The following PKN3 variants were observed in gnomAD, a reference collection of about 807,000 sequenced individuals.
The protein encoded by PKN3 is protein kinase N3, also known as serine/threonine-protein kinase N3.
PKN3 carries 91 observed loss-of-function variants against 113.1 expected under a neutral mutation model. The observed-to-expected ratio is 0.80, with a 90% CI of 0.68 to 0.96. PKN3 has a LOEUF of 0.96. PKN3 is among the 40% of genes least tolerant of loss of function. The pLI, the probability that PKN3 is intolerant of heterozygous loss-of-function variation, is 0.00. For missense variants in PKN3, 1,052 were observed against 1,202.2 expected, an observed-to-expected ratio of 0.88 and a Z score of 1.85; for synonymous variants, 467 against 499.0, an observed-to-expected ratio of 0.94 and a Z score of 0.85.
rs546056105 is a variant in PKN3 at position 128,720,775 on chromosome 9, G to T, written c.*169G>T. Reference sequence around the variant, plus strand: ...GTTGTGGGCTTTGCTCAGTGTCACTGGGCAAAGTGTGTCCCTTCCCCCTCC... The same window carrying T: ...GTTGTGGGCTTTGCTCAGTGTCACTTGGCAAAGTGTGTCCCTTCCCCCTCC... On this transcript the variant is annotated 3_prime_UTR_variant, in exon 22 of 22. Transcript: ENST00000291906. The surrounding 1 kb of genome is among the most constrained non-coding windows in gnomAD (Gnocchi z 5.5). 3 of 636,278 alleles carry T rather than the reference G, an allele frequency of 4.7e-6. No individual in the cohort carries two copies. The highest frequency in any genetic ancestry group is 1.9e-5 in the South Asian group (1 of 51,566). The allele number at this position is 636,278 out of a possible 1,614,324, so 39.4% of individuals were successfully genotyped here. A position where few individuals can be genotyped will look rare whatever the true frequency, so the allele number is the denominator to read the frequency against.
At position 128,705,812 on chromosome 9, in the gene PKN3, A is replaced by G; in HGVS notation, c.344A>G (p.His115Arg). 1 of 1,609,286 alleles carries G rather than the reference A, an allele frequency of 6.2e-7. No homozygotes were observed. Among genetic ancestry groups the G allele is most frequent in the Admixed American group, 1.7e-5 (1 of 59,362 alleles). Residue 115 changes from histidine (H) to arginine (R), a missense_variant, in exon 3 of 22, where the codon CAT (histidine) becomes CGT (arginine). Transcript: ENST00000291906. The part of the protein sequence containing the change: ...RHLEALRRQL[H>R]VELKVKQGAE... ...CTAGAGGCTCTCCGGAGGCAGCTGC[A>G]TGTGGAGCTGAAGGTGAAGCAGGGG...
rs776506971 is a variant in PKN3, at chr9:128,707,343, G to C, written c.773G>C (p.Arg258Pro). The C allele has an allele frequency of 3.7e-6, 6 of 1,613,656 alleles. No individual in the cohort carries two copies. Among genetic ancestry groups the C allele is most frequent in the Non-Finnish European group, 5.1e-6 (6 of 1,179,888 alleles). Residue 258 changes from arginine (R) to proline (P), a missense_variant, in exon 6 of 22, where the codon CGG becomes CCG. This residue lies in a region of PKN3 where 719 missense variants were observed against 759.4 expected (regional missense o/e 0.95). Transcript: ENST00000291906. Reference protein sequence around the residue: ...PLRSRVTRELRAAVPGYPQPS... With the variant: ...PLRSRVTRELPAAVPGYPQPS... Reference sequence around the variant, plus strand: ...CGCAGCAGAGTGACCCGAGAGTTGCGGGCTGCGGTGCCTGGATACCCCCAG... The same window carrying C: ...CGCAGCAGAGTGACCCGAGAGTTGCCGGCTGCGGTGCCTGGATACCCCCAG...
In PKN3 at chr9:128,714,619, C is replaced by T. The variant is rs139929355; in HGVS notation, c.1539C>T (p.Pro513=). ...AAGAGATGACACCCCCACCCAAGCC[C>T]CCACGCCTCTACCTCCCCCAGGAGC... ...LGEEMTPPPK[P]PRLYLPQEPT... is the part of the protein sequence containing the mutation. The change falls in exon 12 of 22, where the codon CCC becomes CCT. Residue 513 remains proline, a synonymous_variant. Transcript: ENST00000291906. 4.3e-4 allele frequency: 630 copies of T among 1,451,020 alleles called. 1 individual carries two copies. Among genetic ancestry groups the T allele is most frequent in the Non-Finnish European group, 5.6e-4 (573 of 1,031,392 alleles). 89.9% of individuals were successfully genotyped at this position (1,451,020 alleles called of 1,614,324 possible).
intron 1 of PKN3, chr9:128,703,736 G>A: frequency 3.0e-6 from 3 of 985,370 alleles, no homozygotes; most frequent in Non-Finnish European, 3.6e-6. Context: ...CGGGGTGCGT[G>A]TAGACTCCTT....
intron 3 of PKN3, 64 bp downstream of exon 3, chr9:128,705,943 C>T: frequency 2.7e-6 from 4 of 1,457,614 alleles, no homozygotes; most frequent in Non-Finnish European, 3.7e-6. Flanking sequence ...AAATGCACCT[C>T]AGCCATTGGG....
rs1269313661 is a variant in PKN3 at position 128,720,222 on chromosome 9, A to G, written c.2396A>G (p.Glu799Gly). The change falls in exon 21 of 22, where the codon GAG (glutamate) becomes GGG (glycine). Residue 799 changes from glutamate to glycine, a missense_variant. Glu to Gly is a moderately conservative substitution (Grantham distance 98). Around this residue, in one of 2 missense-constraint regions of PKN3, gnomAD observed 333 missense variants for 442.8 expected, o/e 0.75. Coordinates refer to ENST00000291906, the MANE Select transcript of PKN3 (RefSeq NM_013355.5). The surrounding 1 kb of genome is among the most constrained non-coding windows in gnomAD (Gnocchi z 5.5). ...FIQKLLQKCP[E>G]KRLGAGEQDA... The stretch of plus-strand genomic sequence containing the variant: ...GCCCAGCTCCTCCAGAAGTGCCCGG[A>G]GAAGCGCCTCGGGGCAGGTGAGCAG... 2.5e-6 allele frequency: 4 copies of G among 1,613,772 alleles called. No individual in the cohort carries two copies. Among genetic ancestry groups the G allele is most frequent in the Admixed American group, 3.3e-5 (2 of 60,012 alleles).
chr9:128,705,735 G>T lies in PKN3; in HGVS notation c.267G>T (p.Glu89Asp), dbSNP rs1268664391. 6.9e-6 allele frequency: 11 copies of T among 1,603,436 alleles called. No homozygotes were observed. In the East Asian group the frequency reaches 2.5e-4, roughly 36 times the overall value. ...TGTGCTCGATACCCCCGTGCACAGA[G>T]CCTGTGGCCTCAGGACCCCGGCCGT... ...LLPGPGPGPAEPVASGPRPWA... is the reference protein window; with the variant it reads ...LLPGPGPGPADPVASGPRPWA... The change falls in exon 3 of 22, where the codon GAG becomes GAT. Residue 89 changes from glutamate to aspartate, a missense_variant and splice_region_variant. By Grantham distance (45) the Glu-to-Asp change is conservative. Coordinates refer to ENST00000291906, the MANE Select transcript of PKN3 (RefSeq NM_013355.5).
Position 128,702,954 on chromosome 9 carries a change from AG to A in PKN3, c.24+19del. 1 of 1,427,494 alleles carries A rather than the reference AG, an allele frequency of 7.0e-7. No homozygotes were observed. 88.4% of individuals were successfully genotyped at this position (1,427,494 alleles called of 1,614,324 possible). A position where few individuals can be genotyped will look rare whatever the true frequency, so the allele number is the denominator to read the frequency against. The stretch of plus-strand genomic sequence containing the variant: ...CGCCGCGGCAGGTGAACGGCGTGGG[AG>A]GGGCGCGCGGGCCCGGGGGGTGCGA... On this transcript the variant is annotated intron_variant, in intron 1 of 21. Coordinates refer to ENST00000291906, the MANE Select transcript of PKN3 (RefSeq NM_013355.5).
At position 128,703,073 on chromosome 9, in the gene PKN3, C is replaced by G. The variant is rs1311656511; in HGVS notation, c.24+134C>G. 5 of 639,364 alleles carry G rather than the reference C, an allele frequency of 7.8e-6. No individual in the cohort carries two copies. In the East Asian group the frequency reaches 1.0e-4, roughly 13 times the overall value. 39.6% of individuals were successfully genotyped at this position (639,364 alleles called of 1,614,324 possible). ...GCCCCTTCCCTGCCCCTGCCCTGGC[C>G]CCGGCCCCGCGACGCCCTCGCAGAG... is the stretch of plus-strand genomic sequence containing the variant. On this transcript the variant is annotated intron_variant, in intron 1 of 21. Coordinates refer to ENST00000291906, the MANE Select transcript of PKN3 (RefSeq NM_013355.5).
chr9:128,702,900 C>A lies in PKN3; in HGVS notation c.-16C>A, dbSNP rs1244965942. ...GAGTGGCTGAGAGAAGGGCCCCAAG[C>A]GGCCGGAGCGGCGCCATGGAGGAGG... is the stretch of plus-strand genomic sequence containing the variant. On this transcript the variant is annotated 5_prime_UTR_variant, in exon 1 of 22. Coordinates refer to ENST00000291906, the MANE Select transcript of PKN3 (RefSeq NM_013355.5). 1 of 1,483,220 alleles carries A rather than the reference C, an allele frequency of 6.7e-7. No homozygotes were observed. Among genetic ancestry groups the A allele is most frequent in the Non-Finnish European group, 8.9e-7 (1 of 1,118,308 alleles). The allele number at this position is 1,483,220 out of a possible 1,614,324, so 91.9% of individuals were successfully genotyped here. A position where few individuals can be genotyped will look rare whatever the true frequency, so the allele number is the denominator to read the frequency against.
chr9:128,720,445 C>T lies in PKN3; in HGVS notation c.2509C>T (p.Pro837Ser). ...CCGCACCATCCAGCCCCCCTTCGTG[C>T]CTACCCTGTGTGGCCCTGCGGACCT... ...LARTIQPPFV[P>S]TLCGPADLRY... The change falls in exon 22 of 22, where the codon CCT (proline) becomes TCT (serine). Residue 837 changes from proline to serine, a missense_variant. Around this residue, in one of 2 missense-constraint regions of PKN3, gnomAD observed 333 missense variants for 442.8 expected, o/e 0.75. Coordinates refer to ENST00000291906, the MANE Select transcript of PKN3 (RefSeq NM_013355.5). This position sits in a 1 kb window ranked among gnomAD's most constrained non-coding sequence, Gnocchi z 5.5. 6.2e-7 allele frequency: 1 copy of T among 1,613,278 alleles called. No individual in the cohort carries two copies. The highest frequency in any genetic ancestry group is 8.5e-7 in the Non-Finnish European group (1 of 1,180,000).
chr9:128,717,117 C>CTTTGTTTTTTTTTT (rs1758875729), intron 16 of PKN3, among the ~76,000 whole-genome samples, 194 bp downstream of exon 16: 1 of 24,364 alleles, frequency 4.1e-5, no homozygotes, highest in African/African-American at 1.2e-4. Context: ...CATTAGGTTT[C>CTTTGTTTTTTTTTT]TTTTTTTTTT....
intron 6 of PKN3, among the ~76,000 whole-genome samples, chr9:128,710,670 T>C (rs1862149664): frequency 6.6e-6 from 1 of 152,036 alleles, no homozygotes; most frequent in African/African-American, 2.4e-5. Flanking sequence ...TTTTGTATTA[T>C]TAGTAGAGAC....
Position 128,713,522 on chromosome 9 carries a change from A to G in PKN3, c.1116A>G (p.Val372=). 1 of 1,614,032 alleles carries G rather than the reference A, an allele frequency of 6.2e-7. No individual in the cohort carries two copies. The highest frequency in any genetic ancestry group is 8.5e-7 in the Non-Finnish European group (1 of 1,179,990). ...LERARELEIG[V]HWRDWRQLCG... ...AGGCCCGTGAGCTGGAGATTGGGGT[A>G]CACTGGCGGGACTGGCGGCAGCTAT... The change falls in exon 9 of 22, where the codon GTA becomes GTG. Residue 372 remains valine, a synonymous_variant. Transcript: ENST00000291906.
chr9:128,712,966 G>T, intron 6 of PKN3, 86 bp from the exon 7 acceptor site: 2 of 1,427,112 alleles, frequency 1.4e-6, no homozygotes, highest in Non-Finnish European at 1.9e-6. Flanking sequence ...CCTGGAGAGG[G>T]TGGCCTTCCT....
At chr9:128,704,885 T>C (rs1025338916) in intron 1 of PKN3, among the ~76,000 whole-genome samples, 2 of 145,858 alleles carry the variant, frequency 1.4e-5, no homozygotes, top group African/African-American at 5.1e-5. Flanking sequence ...GCCATGGCAC[T>C]CCAGCCTGGG....
intron 6 of PKN3, 106 bp downstream of exon 6, chr9:128,707,511 C>A: frequency 1.3e-5 from 12 of 902,506 alleles, no homozygotes; most frequent in Non-Finnish European, 2.0e-5. Flanking sequence ...CCTGCCCCAG[C>A]ACCCACTAGC....
At chr9:128,716,703 G>C (rs1862348550) in intron 15 of PKN3, 44 bp from the exon 16 acceptor site, 1 of 1,557,278 alleles carries the variant, frequency 6.4e-7, no homozygotes, top group Non-Finnish European at 8.8e-7. Flanking sequence ...GCACAGCCCA[G>C]GGAAAGTTTT....
In PKN3 at chr9:128,716,931, C is replaced by G; in HGVS notation, c.1985+8C>G. On this transcript the variant is annotated splice_region_variant and intron_variant, in intron 16 of 21. Coordinates refer to ENST00000291906, the MANE Select transcript of PKN3 (RefSeq NM_013355.5). ...CCCCGAGCCCCAGGCCCGGTGGGTT[C>G]CATCCCTCCTGCCTGCCTCTTCCAG... 1 of 1,612,244 alleles carries G rather than the reference C, an allele frequency of 6.2e-7. No individual in the cohort carries two copies. The highest frequency in any genetic ancestry group is 8.5e-7 in the Non-Finnish European group (1 of 1,178,752).
Sources: gnomAD v4.1 joint callset for allele counts (sites outside exome capture counted in the v4.1 genomes callset) on GRCh38, gnomAD v4.1.1 for gene constraint, gnomAD v4.1.1 regional missense constraint, Gnocchi (gnomAD v3.1) non-coding constraint, MANE v1.5 for transcripts, NCBI Gene and HGNC (gene_info 2026-07-23, HGNC 2026-07-21) for gene names.